The following LYZL1 variants were observed in gnomAD, a reference collection of about 807,000 sequenced individuals.
The protein encoded by LYZL1 is lysozyme like 1.
LYZL1 carries 16 observed loss-of-function variants against 17.9 expected under a neutral mutation model. The observed-to-expected ratio is 0.90, with a 90% confidence interval of 0.61 to 1.36. The LOEUF is 1.36. Among genes scored for constraint, LYZL1 ranks in the 40% most tolerant of loss-of-function variants. The pLI is 0.00. For missense variants in LYZL1, 149 were observed against 188.4 expected (o/e 0.79, Z 1.22); for synonymous variants, 58 against 71.8 (o/e 0.81, Z 0.97).
downstream of LYZL1, among the ~76,000 whole-genome samples, chr10:29,313,213 A>G (rs1225301454): frequency 6.6e-6 from 1 of 152,278 alleles, no homozygotes; most frequent in African/African-American, 2.4e-5. Flanking sequence ...TTTGAACCCC[A>G]TCTAAGAATT....
intron 3 of LYZL1, among the ~76,000 whole-genome samples, chr10:29,308,785 C>T (rs1835631635): frequency 6.6e-6 from 1 of 151,656 alleles, no homozygotes; most frequent in South Asian, 2.1e-4. Context: ...ATGGTGAAAC[C>T]TTCTCTCTGC....
chr10:29,303,847 AAGTT>A, intron 3 of LYZL1, among the ~76,000 whole-genome samples: 1 of 152,222 alleles, frequency 6.6e-6, no homozygotes, highest in East Asian at 1.9e-4. Context: ...AACTGAAAAA[AAGTT>A]AGCATTAGGG....
intron 3 of LYZL1, among the ~76,000 whole-genome samples, chr10:29,293,103 CTTTCTTTTTT>C (rs1835396608): frequency 8.1e-6 from 1 of 124,096 alleles, no homozygotes; most frequent in African/African-American, 2.8e-5. Flanking sequence ...TTTTTCTTTT[CTTTCTTTTTT>C]TTTCTTTTCT....
chr10:29,293,127 C>CTTTTTTTTTTTTTTTTTTTTTTTT (rs778807136), intron 3 of LYZL1, among the ~76,000 whole-genome samples: 9 of 104,192 alleles, frequency 8.6e-5, no homozygotes, highest in Non-Finnish European at 9.9e-5. Context: ...CTTTTCTTTT[C>CTTTTTTTTTTTTTTTTTTTTTTTT]TTTTTTCTTT....
chr10:29,301,394 C>T (rs1035499148), intron 3 of LYZL1, among the ~76,000 whole-genome samples: 11 of 151,980 alleles, frequency 7.2e-5, no homozygotes, highest in Admixed American at 2.6e-4. Context: ...TATGGGGTCT[C>T]GCCATGTTGC....
At chr10:29,296,008 C>T (rs920087628) in intron 3 of LYZL1, among the ~76,000 whole-genome samples, 1 of 152,152 alleles carries the variant, frequency 6.6e-6, no homozygotes, top group African/African-American at 2.4e-5. Flanking sequence ...AGCACTTTGA[C>T]TTCAGCCCTG....
intron 3 of LYZL1, among the ~76,000 whole-genome samples, chr10:29,296,480 T>G (rs1028751992): frequency 2.0e-5 from 3 of 152,186 alleles, no homozygotes; most frequent in African/African-American, 7.2e-5. Context: ...ATCCAGTCCC[T>G]TCCTGAGGCA....
chr10:29,315,848 C>CAAAA (rs537249145), downstream of LYZL1, among the ~76,000 whole-genome samples: 3 of 126,762 alleles, frequency 2.4e-5, no homozygotes, highest in African/African-American at 8.7e-5. Flanking sequence ...AACACTGTCT[C>CAAAA]AAAAAAAAAA....
exon 5 of LYZL1, chr10:29,318,216 G>A: frequency 6.1e-6 from 6 of 984,096 alleles, no homozygotes; most frequent in Middle Eastern, 5.2e-4. Context: ...TTCCCTGCCT[G>A]CTCAAGACCA....
intron 3 of LYZL1, among the ~76,000 whole-genome samples, chr10:29,301,289 A>G (rs1835515466): frequency 6.6e-6 from 1 of 152,190 alleles, no homozygotes; most frequent in South Asian, 2.1e-4. Flanking sequence ...AGGCCTCCCC[A>G]GCCATGTGGA....
At chr10:29,299,651 C>T (rs553852306) in intron 3 of LYZL1, among the ~76,000 whole-genome samples, 1 of 152,180 alleles carries the variant, frequency 6.6e-6, no homozygotes, top group Non-Finnish European at 1.5e-5. Flanking sequence ...GGTGAATTGA[C>T]CCTTTTGTCA....
chr10:29,299,115 G>C (rs117489462), intron 3 of LYZL1, among the ~76,000 whole-genome samples: 9 of 152,058 alleles, frequency 5.9e-5, no homozygotes, highest in Non-Finnish European at 1.3e-4. Flanking sequence ...AATAGGGTTC[G>C]CACTCCTATG....
intron 3 of LYZL1, among the ~76,000 whole-genome samples, chr10:29,305,445 G>A: frequency 6.6e-6 from 1 of 152,200 alleles, no homozygotes; most frequent in East Asian, 1.9e-4. Flanking sequence ...AACTGGGTGT[G>A]TGACCTTGGT....
At chr10:29,307,480 T>C (rs903051655) in intron 3 of LYZL1, among the ~76,000 whole-genome samples, 2 of 152,252 alleles carry the variant, frequency 1.3e-5, no homozygotes, top group Non-Finnish European at 2.9e-5. Context: ...CCACTCTCTA[T>C]ATAAACATAT....
rs377535846 is a variant in LYZL1, at chr10:29,301,209, G to A, written c.298+8532G>A. On this transcript the variant is annotated intron_variant, in intron 3 of 4. Transcript: ENST00000649382. Reference sequence around the variant, plus strand: ...TAAAAACAGGTGTTTCCCTGCACAAGCTCTCTTTTTGCCTGCTGCCATCCA... The same window carrying A: ...TAAAAACAGGTGTTTCCCTGCACAAACTCTCTTTTTGCCTGCTGCCATCCA... 2.0e-5 allele frequency among the ~76,000 whole-genome samples: 3 copies of A among 152,242 alleles called. No individual in the cohort carries two copies. The East Asian group carries it at 5.8e-4, about 29-fold the overall frequency.
At chr10:29,302,891 T>G (rs2132827465) in intron 3 of LYZL1, among the ~76,000 whole-genome samples, 1 of 152,344 alleles carries the variant, frequency 6.6e-6, no homozygotes, top group African/African-American at 2.4e-5. Flanking sequence ...AAGTTTATTC[T>G]GATCAGCGTA....
rs576529250 is a variant in LYZL1, at chr10:29,296,201, C to G, written c.298+3524C>G. The stretch of plus-strand genomic sequence containing the variant: ...GAATCAATAAGATAAAAAGATAAAT[C>G]CACATATACAAGATAAATGGAAGAG... On this transcript the variant is annotated intron_variant, in intron 3 of 4. Transcript: ENST00000649382. 2.6e-5 allele frequency among the ~76,000 whole-genome samples: 4 copies of G among 152,212 alleles called. No homozygotes were observed. The South Asian group carries it at 8.3e-4, about 32-fold the overall frequency.
chr10:29,311,932 C>T (rs374901186), downstream of LYZL1, among the ~76,000 whole-genome samples: 38 of 151,938 alleles, frequency 2.5e-4, no homozygotes, highest in African/African-American at 4.6e-4. Context: ...GTACTCCAGC[C>T]TGGGTGACAG....
At chr10:29,312,830 T>C (rs948474333), downstream of LYZL1, among the ~76,000 whole-genome samples, 2 of 152,192 alleles carry the variant, frequency 1.3e-5, no homozygotes, top group Non-Finnish European at 2.9e-5. Context: ...GCTGTCTTGT[T>C]CTAAATTTAG....
Sources: gnomAD v4.1 joint callset for allele counts (sites outside exome capture counted in the v4.1 genomes callset) on GRCh38, gnomAD v4.1.1 for gene constraint, MANE v1.5 for transcripts, NCBI Gene and HGNC (gene_info 2026-07-23, HGNC 2026-07-21) for gene names.